EIPR1: variants seen among roughly 807,000 people sequenced by gnomAD.
EIPR1 encodes the protein EARP complex and GARP complex interacting protein 1.
Under a neutral mutation model 48.1 loss-of-function variants are expected in EIPR1, and 25 were observed. The ratio of observed to expected loss-of-function variants is 0.52; its 90% CI spans 0.38 to 0.73. The LOEUF is 0.73. Ranked by LOEUF, EIPR1 falls within the 30% of genes least tolerant of loss-of-function variation. The pLI, the probability that EIPR1 is intolerant of heterozygous loss-of-function variation, is 0.00. For synonymous variants in EIPR1, 204 were observed against 201.9 expected, an observed-to-expected ratio of 1.01 and a Z score of -0.09; for missense variants, 415 against 506.2, an observed-to-expected ratio of 0.82 and a Z score of 1.73.
intron 5 of EIPR1, among the ~76,000 whole-genome samples, chr2:3,205,568 A>C (rs1230259288): frequency 6.6e-6 from 1 of 152,238 alleles, no homozygotes; most frequent in Admixed American, 6.5e-5. Flanking sequence ...GATAATAAAG[A>C]TTCCTCATTG....
At position 3,228,844 on chromosome 2, in the gene EIPR1, G is replaced by A. The variant is rs116689509; in HGVS notation, c.417-14596C>T. ...CTGCCACTCTGTGAAGAAGGTGCCT[G>A]CTTCTTCTTTGCGTTCCACCATGAT... On this transcript the variant is annotated intron_variant, in intron 4 of 8. Coordinates refer to ENST00000382125, the MANE Select transcript of EIPR1 (RefSeq NM_003310.5). Among the ~76,000 whole-genome samples the A allele has an allele frequency of 1.3e-5, 2 of 152,172 alleles. 1 individual carries two copies. The highest frequency in any genetic ancestry group is 4.8e-5 in the African/African-American group (2 of 41,440).
intron 1 of EIPR1, among the ~76,000 whole-genome samples, chr2:3,359,108 G>C (rs964318022): frequency 5.9e-5 from 9 of 152,168 alleles, no homozygotes; most frequent in African/African-American, 2.2e-4. Context: ...TAAAAGACAA[G>C]ATGATAGACG....
chr2:3,280,891 T>A (rs1667993732), intron 3 of EIPR1, among the ~76,000 whole-genome samples: 1 of 151,806 alleles, frequency 6.6e-6, no homozygotes, highest in South Asian at 2.1e-4. Context: ...CCGCGCCTCC[T>A]CCTGTGGTCA....
At chr2:3,287,684 A>G (rs539305952) in intron 3 of EIPR1, among the ~76,000 whole-genome samples, 12 of 151,826 alleles carry the variant, frequency 7.9e-5, no homozygotes, top group Non-Finnish European at 1.5e-4. Flanking sequence ...CGCGTTCACC[A>G]CGCTCCAGAA....
Position 3,377,720 on chromosome 2 carries a change from TCA to T in EIPR1, c.-33_-32del. On this transcript the variant is annotated 5_prime_UTR_variant, in exon 1 of 9. It removes the in-frame stop codon of an upstream open reading frame in the 5' UTR. Transcript: ENST00000382125. Reference sequence around the variant, plus strand: ...GGGGAAGCGACCCGACCCCGGCCACTCACACGCTAAGGACCTCGCTACGGCCG... The same window carrying T: ...GGGGAAGCGACCCGACCCCGGCCACTCACGCTAAGGACCTCGCTACGGCCG... 1.3e-6 allele frequency: 2 copies of T among 1,566,114 alleles called. No homozygotes were observed. The highest frequency in any genetic ancestry group is 8.7e-7 in the Non-Finnish European group (1 of 1,154,912).
chr2:3,247,795 C>T (rs931260189), intron 4 of EIPR1, among the ~76,000 whole-genome samples: 1 of 152,202 alleles, frequency 6.6e-6, no homozygotes, highest in Admixed American at 6.5e-5. Flanking sequence ...TAAAAGGTGT[C>T]CTAAAGAAAC....
chr2:3,369,592 C>A (rs565943861), intron 1 of EIPR1, among the ~76,000 whole-genome samples: 50 of 152,368 alleles, frequency 3.3e-4, no homozygotes, highest in East Asian at 3.9e-4. Context: ...TATCCCACAC[C>A]TGGCTCGGAG....
chr2:3,370,429 C>G lies in EIPR1; in HGVS notation c.42+7219G>C, dbSNP rs58085164. Among the ~76,000 whole-genome samples, 65 of 152,290 alleles carry G rather than the reference C, an allele frequency of 4.3e-4. 1 individual carries two copies. The East Asian group carries it at 0.012, about 29-fold the overall frequency. On this transcript the variant is annotated intron_variant, in intron 1 of 8. Coordinates refer to ENST00000382125, the MANE Select transcript of EIPR1 (RefSeq NM_003310.5). The stretch of plus-strand genomic sequence containing the variant: ...TTGAGAGAAGAAGGCTTCAGACGAT[C>G]AAACTACTCCGAGCTACAGGAGGAA...
intron 3 of EIPR1, among the ~76,000 whole-genome samples, chr2:3,280,316 G>A (rs1188394577): frequency 6.6e-6 from 1 of 152,226 alleles, no homozygotes; most frequent in Non-Finnish European, 1.5e-5. Context: ...GCTCCCTCAC[G>A]CACACAGAGG....
chr2:3,304,965 AACTCTCCACTCCC>A (rs1354643476), intron 3 of EIPR1, among the ~76,000 whole-genome samples: 9 of 142,820 alleles, frequency 6.3e-5, no homozygotes, highest in African/African-American at 2.4e-4. Flanking sequence ...CGTCCAGTTC[AACTCTCCACTCCC>A]GTCCAGTTCA....
chr2:3,357,816 A>C (rs977667635), intron 1 of EIPR1, among the ~76,000 whole-genome samples: 4 of 102,650 alleles, frequency 3.9e-5, no homozygotes, highest in Admixed American at 8.8e-5. Context: ...CTTTTAACAG[A>C]GTCCGTGAGC....
At chr2:3,248,864 CT>C (rs1379592506) in intron 4 of EIPR1, among the ~76,000 whole-genome samples, 1 of 152,220 alleles carries the variant, frequency 6.6e-6, no homozygotes, top group Non-Finnish European at 1.5e-5. Context: ...CACTGGGCCC[CT>C]TTCACCTTCC....
At chr2:3,339,739 A>G (rs921992594) in intron 2 of EIPR1, among the ~76,000 whole-genome samples, 3 of 152,216 alleles carry the variant, frequency 2.0e-5, no homozygotes, top group Admixed American at 6.5e-5. Context: ...ACCTGAGGTC[A>G]GGAATTTGAG....
intron 1 of EIPR1, among the ~76,000 whole-genome samples, chr2:3,376,447 C>T (rs1659887547): frequency 6.6e-6 from 1 of 152,148 alleles, no homozygotes; most frequent in Non-Finnish European, 1.5e-5. Context: ...AATCCCAACA[C>T]TTTGGGAGGC....
At chr2:3,244,277 C>G (rs1342818931) in intron 4 of EIPR1, among the ~76,000 whole-genome samples, 1 of 152,214 alleles carries the variant, frequency 6.6e-6, no homozygotes, top group Non-Finnish European at 1.5e-5. Context: ...TCTACTTCTT[C>G]TCTTTCTCCT....
At chr2:3,283,819 T>C (rs571169215) in intron 3 of EIPR1, among the ~76,000 whole-genome samples, 1 of 151,858 alleles carries the variant, frequency 6.6e-6, no homozygotes, top group Non-Finnish European at 1.5e-5. Flanking sequence ...GGCGGCTGTC[T>C]GTAAATCCCA....
In EIPR1 at chr2:3,272,068, G is replaced by A. The variant is rs796144625; in HGVS notation, c.260-14613C>T. Reference sequence around the variant, plus strand: ...GAGATGACCTCTTTCCTCCAACCTCGTGAACCAACCTCTGCTAGCTCCCAA... The same window carrying A: ...GAGATGACCTCTTTCCTCCAACCTCATGAACCAACCTCTGCTAGCTCCCAA... On this transcript the variant is annotated intron_variant, in intron 3 of 8. Coordinates refer to ENST00000382125, the MANE Select transcript of EIPR1 (RefSeq NM_003310.5). 2.4e-4 allele frequency among the ~76,000 whole-genome samples: 36 copies of A among 152,262 alleles called. 1 individual carries two copies. The highest frequency in any genetic ancestry group is 7.9e-4 in the African/African-American group (33 of 41,538).
At chr2:3,355,710 G>T (rs573282121) in intron 1 of EIPR1, among the ~76,000 whole-genome samples, 1 of 152,066 alleles carries the variant, frequency 6.6e-6, no homozygotes, top group South Asian at 2.1e-4. Flanking sequence ...AGCTGCTCAA[G>T]AGGCTGGGGC....
chr2:3,208,531 A>G (rs1165272190), intron 5 of EIPR1: 2 of 1,547,388 alleles, frequency 1.3e-6, no homozygotes, highest in Non-Finnish European at 1.7e-6. Context: ...TAAAAGGACT[A>G]CTTAAAAATA....
Sources: gnomAD v4.1 joint callset for allele counts (sites outside exome capture counted in the v4.1 genomes callset) on GRCh38, gnomAD v4.1.1 for gene constraint, MANE v1.5 for transcripts, NCBI Gene and HGNC (gene_info 2026-07-23, HGNC 2026-07-21) for gene names.